RAB3C: variants seen among roughly 807,000 people sequenced by gnomAD.
RAB3C encodes the protein ras-related protein Rab-3C.
A neutral mutation model predicts 26.4 loss-of-function variants in RAB3C; 17 were observed. That is an observed-to-expected ratio of 0.64 (90% confidence interval 0.44 to 0.97). The LOEUF is 0.97. Ranked by LOEUF, RAB3C falls within the 50% of genes least tolerant of loss-of-function variation. The pLI is 0.00. For missense variants in RAB3C, 242 were observed against 281.9 expected (o/e 0.86, Z 1.01); for synonymous variants, 91 against 95.9 (o/e 0.95, Z 0.30).
intron 2 of RAB3C, among the ~76,000 whole-genome samples, chr5:58,709,469 T>C (rs1045266466): frequency 6.6e-6 from 1 of 152,202 alleles, no homozygotes; most frequent in Non-Finnish European, 1.5e-5. Context: ...TCCTTGCAGC[T>C]AATGATCAGG....
chr5:58,613,547 GA>G (rs1746760148), intron 1 of RAB3C, among the ~76,000 whole-genome samples: 1 of 151,954 alleles, frequency 6.6e-6, no homozygotes, highest in South Asian at 2.1e-4. Context: ...CAAACAAGAG[GA>G]AATTTAACAG....
intron 4 of RAB3C, among the ~76,000 whole-genome samples, chr5:58,832,809 A>G (rs554901182): frequency 2.6e-5 from 4 of 152,304 alleles, no homozygotes; most frequent in South Asian, 4.1e-4. Flanking sequence ...GGAAAAGTTG[A>G]CATCATATAT....
intron 2 of RAB3C, among the ~76,000 whole-genome samples, chr5:58,682,668 A>G (rs919819457): frequency 2.0e-5 from 3 of 150,866 alleles, no homozygotes; most frequent in African/African-American, 7.3e-5. Flanking sequence ...TGGGCAACAG[A>G]GTGAGACTCC....
chr5:58,752,716 G>A lies in RAB3C; in HGVS notation c.371+26596G>A, dbSNP rs528433440. ...ATTGCAACTTTGGGGGAATTATAGAGATCTGAATTTCCTTTACTTTGCTCA... is the reference window on the plus strand; with the variant it reads ...ATTGCAACTTTGGGGGAATTATAGAAATCTGAATTTCCTTTACTTTGCTCA... On this transcript the variant is annotated intron_variant, in intron 3 of 4. Coordinates refer to ENST00000282878, the MANE Select transcript of RAB3C (RefSeq NM_138453.4). 7.2e-5 allele frequency among the ~76,000 whole-genome samples: 11 copies of A among 152,214 alleles called. No individual in the cohort carries two copies. In the Middle Eastern group the frequency reaches 0.02, roughly 282 times the overall value.
At chr5:58,745,409 A>G (rs919534220) in intron 3 of RAB3C, among the ~76,000 whole-genome samples, 2 of 150,764 alleles carry the variant, frequency 1.3e-5, no homozygotes, top group African/African-American at 2.4e-5. Flanking sequence ...AAAAAAAAAA[A>G]AAAAAAAAAA....
chr5:58,837,608 G>A (rs1001829909), intron 4 of RAB3C, among the ~76,000 whole-genome samples: 2 of 143,234 alleles, frequency 1.4e-5, no homozygotes, highest in African/African-American at 5.1e-5. Flanking sequence ...ACCCAGGCTG[G>A]AGTGCAGTGG....
chr5:58,617,863 A>C lies in RAB3C; in HGVS notation c.245A>C (p.Gln82Pro), dbSNP rs1422782068. Residue 82 changes from glutamine (Q) to proline (P), a missense_variant, in exon 2 of 5, where the codon CAG (glutamine) becomes CCG (proline). By Grantham distance (76) the Gln-to-Pro change is moderately conservative. Transcript: ENST00000282878. ...VFKNEKRIKLQIWDTAGQERY... is the reference protein window; with the variant it reads ...VFKNEKRIKLPIWDTAGQERY... ...AAAAATGAAAAGAGAATCAAGCTTC[A>C]GATTTGGGTAAGTGGCTTTGAACTG... 8 of 1,604,520 alleles carry C rather than the reference A, an allele frequency of 5.0e-6. No homozygotes were observed. Among genetic ancestry groups the C allele is most frequent in the Non-Finnish European group, 6.8e-6 (8 of 1,173,044 alleles).
At chr5:58,625,793 G>T (rs1381925032) in intron 2 of RAB3C, among the ~76,000 whole-genome samples, 1 of 150,932 alleles carries the variant, frequency 6.6e-6, no homozygotes, top group African/African-American at 2.4e-5. Flanking sequence ...GGAGGTGGAG[G>T]TTGCAGTGAG....
At chr5:58,839,140 G>A (rs1414500391) in intron 4 of RAB3C, among the ~76,000 whole-genome samples, 1 of 151,112 alleles carries the variant, frequency 6.6e-6, no homozygotes, top group East Asian at 1.9e-4. Context: ...ATTGGGCCTT[G>A]ATTTTTTTTT....
rs530268851 is a variant in RAB3C at position 58,710,592 on chromosome 5, C to G, written c.253-15410C>G. ...CTAGCCTGGGCAAAAGAGCAAGACTCTGTCTCAAAATAAATAAATAAATAA... is the reference window on the plus strand; with the variant it reads ...CTAGCCTGGGCAAAAGAGCAAGACTGTGTCTCAAAATAAATAAATAAATAA... On this transcript the variant is annotated intron_variant, in intron 2 of 4. Transcript: ENST00000282878. 1.9e-3 allele frequency among the ~76,000 whole-genome samples: 236 copies of G among 122,802 alleles called. 7 individuals are homozygous for G. The South Asian group carries it at 0.06, about 31-fold the overall frequency. The allele number at this position is 122,802 out of a possible 152,430, so 80.6% of individuals were successfully genotyped here. A position where few individuals can be genotyped will look rare whatever the true frequency, so the allele number is the denominator to read the frequency against.
At chr5:58,593,238 T>C (rs2111661282) in intron 1 of RAB3C, among the ~76,000 whole-genome samples, 1 of 152,286 alleles carries the variant, frequency 6.6e-6, no homozygotes, top group East Asian at 1.9e-4. Flanking sequence ...CTTTTCCTTT[T>C]AGGCTCAGTA....
chr5:58,627,143 G>C (rs1266010668), intron 2 of RAB3C, among the ~76,000 whole-genome samples: 1 of 152,076 alleles, frequency 6.6e-6, no homozygotes, highest in Non-Finnish European at 1.5e-5. Flanking sequence ...CCCTGCCCTA[G>C]AGCAAAACAA....
intron 3 of RAB3C, among the ~76,000 whole-genome samples, chr5:58,774,696 A>G (rs1469271467): frequency 6.6e-6 from 1 of 152,142 alleles, no homozygotes; most frequent in Non-Finnish European, 1.5e-5. Flanking sequence ...ACTTTAAATA[A>G]AGCAGCTAGA....
At chr5:58,706,080 T>C (rs1561295602) in intron 2 of RAB3C, among the ~76,000 whole-genome samples, 1 of 152,184 alleles carries the variant, frequency 6.6e-6, no homozygotes, top group African/African-American at 2.4e-5. Context: ...ATAAAAATAA[T>C]CAAGTACAAA....
rs1371800059 is a variant in RAB3C at position 58,590,456 on chromosome 5, A to G, written c.24+7224A>G. On this transcript the variant is annotated intron_variant, in intron 1 of 4. Coordinates refer to ENST00000282878, the MANE Select transcript of RAB3C (RefSeq NM_138453.4). ...ATTGATTTTAGCTGTTGTTTTAAAA[A>G]CTATATTTGTGTTTCTTATACTTAC... 2.0e-5 allele frequency among the ~76,000 whole-genome samples: 3 copies of G among 151,986 alleles called. No individual in the cohort carries two copies. In the East Asian group the frequency reaches 5.8e-4, roughly 29 times the overall value.
At position 58,782,402 on chromosome 5, in the gene RAB3C, T is replaced by C. The variant is rs576881381; in HGVS notation, c.372-42636T>C. ...CCAAATCTTTTCTCTTAGGTTGTCC[T>C]CCAGAATTTCTCACCGCATGCTTTA... On this transcript the variant is annotated intron_variant, in intron 3 of 4. Coordinates refer to ENST00000282878, the MANE Select transcript of RAB3C (RefSeq NM_138453.4). Among the ~76,000 whole-genome samples, 12 of 152,288 alleles carry C rather than the reference T, an allele frequency of 7.9e-5. No homozygotes were observed. In the East Asian group the frequency reaches 2.1e-3, roughly 27 times the overall value.
intron 4 of RAB3C, among the ~76,000 whole-genome samples, chr5:58,830,278 C>A (rs533572422): frequency 1.3e-5 from 2 of 152,014 alleles, no homozygotes; most frequent in African/African-American, 4.8e-5. Context: ...ACTAATGGAA[C>A]CAATTATCTC....
intron 3 of RAB3C, among the ~76,000 whole-genome samples, chr5:58,792,537 A>G (rs1742551397): frequency 6.6e-6 from 1 of 152,150 alleles, no homozygotes; most frequent in South Asian, 2.1e-4. Flanking sequence ...AGTGCAGTGG[A>G]AATTAGAGCC....
intron 1 of RAB3C, among the ~76,000 whole-genome samples, chr5:58,594,351 C>G (rs2111663820): frequency 6.6e-6 from 1 of 152,272 alleles, no homozygotes; most frequent in East Asian, 1.9e-4. Flanking sequence ...GAACACCTGT[C>G]TGAGTGGCAG....
Sources: allele counts gnomAD v4.1 joint callset (sites outside exome capture counted in the v4.1 genomes callset), GRCh38; gene constraint gnomAD v4.1.1; transcripts MANE v1.5; gene names NCBI Gene and HGNC (gene_info 2026-07-23, HGNC 2026-07-21).